The following ARID1B variants were observed in gnomAD, a reference collection of about 807,000 sequenced individuals.
The protein encoded by ARID1B is AT-rich interaction domain 1B, also known as AT-rich interactive domain-containing protein 1B.
Under a neutral mutation model 212.3 loss-of-function variants are expected in ARID1B, and 30 were observed. The observed-to-expected ratio is 0.14, with a 90% CI of 0.11 to 0.19. The LOEUF is 0.19. Ranked by LOEUF, ARID1B falls within the 10% of genes least tolerant of loss-of-function variation. The probability of loss-of-function intolerance (pLI) is 1.00; values close to 1 mark genes in which losing one functional copy is unlikely to be tolerated. For synonymous variants in ARID1B, 1,402 were observed against 1,301.7 expected (o/e 1.08, Z -1.66); for missense variants, 2,891 against 3,204.0 (o/e 0.90, Z 2.36).
At chr6:156,791,398 A>G (rs1233028132) in intron 1 of ARID1B, among the ~76,000 whole-genome samples, 1 of 152,250 alleles carries the variant, frequency 6.6e-6, no homozygotes, top group Non-Finnish European at 1.5e-5. Context: ...TGCTGCTGCC[A>G]GAGCTATCTA....
intron 2 of ARID1B, among the ~76,000 whole-genome samples, chr6:156,856,669 T>G (rs1784950680): frequency 8.6e-6 from 1 of 116,618 alleles, no homozygotes; most frequent in Non-Finnish European, 1.9e-5. Flanking sequence ...TGGGCATGCA[T>G]ATCCTCTCTC....
intron 1 of ARID1B, among the ~76,000 whole-genome samples, chr6:156,824,841 T>C (rs1184536005): frequency 6.6e-6 from 1 of 152,038 alleles, no homozygotes; most frequent in Non-Finnish European, 1.5e-5. Context: ...GGCCCTTTTG[T>C]TTTCCAGAAG....
chr6:156,912,254 C>CTTTT (rs34051264), intron 3 of ARID1B, among the ~76,000 whole-genome samples: 1 of 126,600 alleles, frequency 7.9e-6, no homozygotes, highest in South Asian at 2.7e-4. Flanking sequence ...AATCAAACCT[C>CTTTT]TTTTTTTTTT....
intron 4 of ARID1B, among the ~76,000 whole-genome samples, chr6:156,969,234 T>C (rs887763191): frequency 4.6e-5 from 7 of 152,316 alleles, no homozygotes; most frequent in African/African-American, 1.7e-4. Flanking sequence ...TCAGGAGATT[T>C]GTGTTTGTGT....
At chr6:157,131,436 G>C (rs1036340749) in intron 6 of ARID1B, among the ~76,000 whole-genome samples, 4 of 152,174 alleles carry the variant, frequency 2.6e-5, no homozygotes, top group Non-Finnish European at 5.9e-5. Context: ...TGAGGGATGA[G>C]AAGGACCCAG....
intron 1 of ARID1B, among the ~76,000 whole-genome samples, chr6:156,791,621 C>T (rs1015401079): frequency 3.9e-5 from 6 of 152,170 alleles, no homozygotes; most frequent in Non-Finnish European, 7.3e-5. Flanking sequence ...CCATTCATCC[C>T]TGACCTGGGC....
chr6:156,870,883 A>G (rs1490585742), intron 2 of ARID1B, among the ~76,000 whole-genome samples: 1 of 152,244 alleles, frequency 6.6e-6, no homozygotes, highest in Admixed American at 6.5e-5. Context: ...ATTTTGCAGT[A>G]ATATTTAGTA....
chr6:156,944,961 C>T (rs992372260), intron 4 of ARID1B, among the ~76,000 whole-genome samples: 11 of 143,658 alleles, frequency 7.7e-5, no homozygotes, highest in South Asian at 2.2e-4. Flanking sequence ...CTCGCTGTGT[C>T]GCCCAGGCTG....
At chr6:156,884,045 A>G (rs139460853) in intron 2 of ARID1B, among the ~76,000 whole-genome samples, 384 of 152,328 alleles carry the variant, frequency 2.5e-3, no homozygotes, top group African/African-American at 8.8e-3. Flanking sequence ...GTGTTTTCTA[A>G]ACTGCTGATT....
rs768672743 is a variant in ARID1B, at chr6:157,133,041, C to T, written c.2595C>T (p.Gly865=). 2.5e-6 allele frequency: 4 copies of T among 1,595,666 alleles called. No homozygotes were observed. In the East Asian group the frequency reaches 9.0e-5, roughly 36 times the overall value. Residue 865 remains glycine, a synonymous_variant, in exon 7 of 20, where the codon GGC becomes GGT. Coordinates refer to ENST00000636930, the MANE Select transcript of ARID1B (RefSeq NM_001374828.1). ...TTTCCCACTTAGGTTTTATGGCAGG[C>T]ACACAAAGAAACCCTCAGATGGCTC... The part of the protein sequence containing the change: ...PMPQERGFMA[G]TQRNPQMAQY...
intron 4 of ARID1B, among the ~76,000 whole-genome samples, chr6:157,081,415 C>A (rs140429779): frequency 7.2e-5 from 11 of 152,318 alleles, no homozygotes; most frequent in Admixed American, 1.3e-4. Flanking sequence ...TAAGATAGCT[C>A]TACATACAGA....
chr6:156,861,191 G>A (rs193028444), intron 2 of ARID1B, among the ~76,000 whole-genome samples: 13 of 152,146 alleles, frequency 8.5e-5, no homozygotes, highest in Non-Finnish European at 1.6e-4. Context: ...TGGTGGGGAG[G>A]GGGGACAGGC....
chr6:157,137,412 C>A (rs1789009534), intron 7 of ARID1B, among the ~76,000 whole-genome samples: 1 of 152,032 alleles, frequency 6.6e-6, no homozygotes, highest in South Asian at 2.1e-4. Flanking sequence ...TGGGGACTTG[C>A]TTTAATAAGT....
intron 1 of ARID1B, among the ~76,000 whole-genome samples, chr6:156,799,520 A>T (rs1296426250): frequency 1.3e-5 from 2 of 152,122 alleles, no homozygotes; most frequent in Non-Finnish European, 2.9e-5. Context: ...GCTCTGTTGC[A>T]CAGGCTGGAG....
intron 13 of ARID1B, chr6:157,185,568 C>G (rs989810101): frequency 2.0e-5 from 3 of 152,330 alleles, no homozygotes; most frequent in Admixed American, 1.3e-4. Flanking sequence ...AGTACTTGCC[C>G]AAAGCCAACT....
At chr6:157,183,706 G>A (rs149185566) in intron 12 of ARID1B, among the ~76,000 whole-genome samples, 244 of 152,264 alleles carry the variant, frequency 1.6e-3, no homozygotes, top group African/African-American at 5.1e-3. Flanking sequence ...CAGTGGCATC[G>A]CATCATGCTT....
At chr6:156,787,130 G>A (rs1779698175) in intron 1 of ARID1B, among the ~76,000 whole-genome samples, 1 of 151,974 alleles carries the variant, frequency 6.6e-6, no homozygotes, top group African/African-American at 2.4e-5. Context: ...ATAACTAAAA[G>A]AAGGAAAATA....
intron 2 of ARID1B, among the ~76,000 whole-genome samples, chr6:156,848,362 A>G (rs970153702): frequency 6.6e-6 from 1 of 152,326 alleles, no homozygotes; most frequent in South Asian, 2.1e-4. Context: ...CTGTAGCCTT[A>G]TGTGTCAGGA....
At chr6:157,081,816 G>T (rs556322459) in intron 4 of ARID1B, among the ~76,000 whole-genome samples, 2 of 152,136 alleles carry the variant, frequency 1.3e-5, no homozygotes, top group African/African-American at 4.8e-5. Context: ...TGAGAGATTT[G>T]CATAAAATTA....
Sources: gnomAD v4.1 joint callset for allele counts (sites outside exome capture counted in the v4.1 genomes callset) on GRCh38, gnomAD v4.1.1 for gene constraint, MANE v1.5 for transcripts, NCBI Gene and HGNC (gene_info 2026-07-23, HGNC 2026-07-21) for gene names.